The following BRD10 variants were observed in gnomAD, a reference collection of about 807,000 sequenced individuals.
The protein encoded by BRD10 is bromodomain containing 10, also known as uncharacterized bromodomain-containing protein 10.
the BRD10 span, among the ~76,000 whole-genome samples, chr9:5,902,785 G>A: frequency 6.6e-6 from 1 of 151,958 alleles, no homozygotes; most frequent in Non-Finnish European, 1.5e-5. Flanking sequence ...GGCATTATAG[G>A]CATGAGCCAT....
the BRD10 span, among the ~76,000 whole-genome samples, chr9:5,966,604 C>T: frequency 6.6e-6 from 1 of 151,332 alleles, no homozygotes; most frequent in Non-Finnish European, 1.5e-5. Context: ...GGACTATAGG[C>T]GCATGCCACC....
chr9:5,891,846 G>T, the BRD10 span, among the ~76,000 whole-genome samples: 1 of 152,198 alleles, frequency 6.6e-6, no homozygotes, highest in Admixed American at 6.5e-5. Flanking sequence ...GGAGTGCCTG[G>T]GGACAGGCTG....
the BRD10 span, among the ~76,000 whole-genome samples, chr9:5,966,261 C>T: frequency 6.6e-6 from 1 of 152,060 alleles, no homozygotes; most frequent in South Asian, 2.1e-4. Flanking sequence ...AAAACTCCTC[C>T]TCCCAATTTT....
the BRD10 span, among the ~76,000 whole-genome samples, chr9:5,918,428 G>C: frequency 6.6e-6 from 1 of 152,086 alleles, no homozygotes; most frequent in Admixed American, 6.5e-5. Context: ...TTAAAACGAG[G>C]CATATTCTTG....
the BRD10 span, among the ~76,000 whole-genome samples, chr9:5,979,908 A>C: frequency 2.7e-5 from 4 of 150,588 alleles, no homozygotes; most frequent in South Asian, 2.1e-4. Context: ...CTAGCTACTC[A>C]GGAGGCTGAG....
chr9:5,997,021 T>C, the BRD10 span, among the ~76,000 whole-genome samples: 4 of 152,234 alleles, frequency 2.6e-5, no homozygotes, highest in African/African-American at 4.8e-5. Context: ...CTCCTAAGCA[T>C]TGATGAGGCT....
the BRD10 span, among the ~76,000 whole-genome samples, chr9:5,971,260 G>A: frequency 6.6e-6 from 1 of 152,066 alleles, no homozygotes; most frequent in East Asian, 1.9e-4. Flanking sequence ...ACAGATAGTA[G>A]TAACAAGTAT....
chr9:5,996,201 AGG>A, the BRD10 span, among the ~76,000 whole-genome samples: 5 of 152,240 alleles, frequency 3.3e-5, no homozygotes, highest in Admixed American at 6.5e-5. Context: ...TCCTCTCCAG[AGG>A]AGAAGAATAC....
At chr9:5,914,185 C>G in the BRD10 span, 1 of 345,450 alleles carries the variant, frequency 2.9e-6, no homozygotes, top group Admixed American at 4.0e-5. Context: ...ATCATGTCTG[C>G]GAGGAAGGTT....
the BRD10 span, chr9:5,923,238 T>C: frequency 6.2e-7 from 1 of 1,613,828 alleles, no homozygotes; most frequent in Non-Finnish European, 8.5e-7. Flanking sequence ...GGTAAGTCTT[T>C]TGAAGGCAAT....
the BRD10 span, among the ~76,000 whole-genome samples, chr9:5,880,062 G>C: frequency 6.6e-6 from 1 of 151,664 alleles, no homozygotes; most frequent in African/African-American, 2.4e-5. Flanking sequence ...TGGGATTACA[G>C]GCACACAGCA....
chr9:5,995,406 C>G, the BRD10 span, among the ~76,000 whole-genome samples: 1 of 152,218 alleles, frequency 6.6e-6, no homozygotes, highest in Non-Finnish European at 1.5e-5. Flanking sequence ...AAAAATGAAT[C>G]ACTACACAGG....
chr9:5,960,863 C>A, the BRD10 span, among the ~76,000 whole-genome samples: 2 of 152,152 alleles, frequency 1.3e-5, no homozygotes, highest in African/African-American at 2.4e-5. Flanking sequence ...CAGGATCCTA[C>A]ACAGCCATTT....
At chr9:5,991,125 AT>A in the BRD10 span, among the ~76,000 whole-genome samples, 1 of 152,038 alleles carries the variant, frequency 6.6e-6, no homozygotes, top group African/African-American at 2.4e-5. Flanking sequence ...AACAAAATAT[AT>A]TTTTTAACCC....
At chr9:6,006,360 C>A in the BRD10 span, among the ~76,000 whole-genome samples, 1 of 152,302 alleles carries the variant, frequency 6.6e-6, no homozygotes, top group Non-Finnish European at 1.5e-5. Flanking sequence ...ACTACTATTC[C>A]ACTTCAACTA....
the BRD10 span, among the ~76,000 whole-genome samples, chr9:5,978,743 G>C: frequency 6.6e-6 from 1 of 152,140 alleles, no homozygotes; most frequent in African/African-American, 2.4e-5. Context: ...TACACGGTCA[G>C]CACTAGTTGG....
chr9:5,993,705 C>G, the BRD10 span, among the ~76,000 whole-genome samples: 4 of 152,130 alleles, frequency 2.6e-5, no homozygotes, highest in African/African-American at 9.7e-5. Context: ...ATATGTCTGT[C>G]CTCTCTGTCC....
the BRD10 span, among the ~76,000 whole-genome samples, chr9:5,929,350 A>G: frequency 2.0e-5 from 3 of 152,234 alleles, no homozygotes; most frequent in African/African-American, 7.2e-5. Flanking sequence ...CAATTCTACC[A>G]GAGAAATCTG....
At chr9:5,887,135 T>G in the BRD10 span, among the ~76,000 whole-genome samples, 2 of 152,162 alleles carry the variant, frequency 1.3e-5, no homozygotes, top group South Asian at 2.1e-4. Flanking sequence ...GGTGCATACC[T>G]GTGGTCCCAG....
Sources: gnomAD v4.1 joint callset for allele counts (sites outside exome capture counted in the v4.1 genomes callset) on GRCh38, gnomAD v4.1.1 for gene constraint, MANE v1.5 for transcripts, NCBI Gene and HGNC (gene_info 2026-07-23, HGNC 2026-07-21) for gene names.